NPHP3: variants seen among roughly 807,000 people sequenced by gnomAD.
NPHP3 encodes the protein nephrocystin 3.
NPHP3 carries 123 observed loss-of-function variants against 171.9 expected under a neutral mutation model. The ratio of observed to expected loss-of-function variants is 0.72; its 90% CI spans 0.62 to 0.83. The LOEUF (loss-of-function observed/expected upper bound fraction) is 0.83. Ranked by LOEUF, NPHP3 falls within the 40% of genes least tolerant of loss-of-function variation. The probability of loss-of-function intolerance (pLI) is 0.00; values close to 1 mark genes in which losing one functional copy is unlikely to be tolerated. For synonymous variants in NPHP3, 558 were observed against 579.2 expected (o/e 0.96, Z 0.52); for missense variants, 1,506 against 1,591.9 (o/e 0.95, Z 0.92).
intron 16 of NPHP3, among the ~76,000 whole-genome samples, chr3:132,694,205 T>G (rs181531557): frequency 1.4e-3 from 219 of 152,166 alleles, no homozygotes; most frequent in Middle Eastern, 3.4e-3. Context: ...GCAGAAGAGA[T>G]GTATTATTTA....
At chr3:132,708,831 T>A (rs1382670) in intron 6 of NPHP3, among the ~76,000 whole-genome samples, 150,073 of 152,288 alleles carry the variant, frequency 0.99, 73,989 homozygotes, top group East Asian at 1. Flanking sequence ...AAATATGGCA[T>A]GTCCAGGAGA....
At chr3:132,688,530 G>A (rs1359154139) in intron 21 of NPHP3, 120 bp downstream of exon 21, 16 of 1,061,594 alleles carry the variant, frequency 1.5e-5, no homozygotes, top group Non-Finnish European at 2.2e-5. Context: ...TTTACCACAT[G>A]AAGACTAGGC....
chr3:132,714,107 C>T (rs2107997281), intron 5 of NPHP3, among the ~76,000 whole-genome samples: 1 of 152,338 alleles, frequency 6.6e-6, no homozygotes, highest in South Asian at 2.1e-4. Context: ...ACAATTTACT[C>T]TGCCATTGAA....
At position 132,682,027 on chromosome 3, in the gene NPHP3, T is replaced by C. The variant is rs1939043951; in HGVS notation, c.3876A>G (p.Glu1292=). ...TTCCACCCAAGAGTGATGTTTCTGC[T>C]TCTTTTATTTCCATTGCCCTTTTGT... ...ELYKRAMEIK[E]AETSLLGGKA... is the part of the protein sequence containing the mutation. The change falls in exon 27 of 27, where the codon GAA becomes GAG. Residue 1292 remains glutamate (E), a synonymous_variant. Transcript: ENST00000337331. 1.2e-6 allele frequency: 2 copies of C among 1,614,108 alleles called. No homozygotes were observed. Among genetic ancestry groups the C allele is most frequent in the Non-Finnish European group, 1.7e-6 (2 of 1,179,964 alleles).
chr3:132,720,629 A>G (rs1359711816), intron 1 of NPHP3, among the ~76,000 whole-genome samples: 1 of 152,192 alleles, frequency 6.6e-6, no homozygotes, highest in East Asian at 1.9e-4. Context: ...CAATAATTAC[A>G]CAACAGCTAA....
In NPHP3 at chr3:132,708,234, T is replaced by A. The variant is rs776866328; in HGVS notation, c.1142A>T (p.Glu381Val). Reference sequence around the variant, plus strand: ...TCCTTCAGGGTTTTTCAGAAAAGCTTCTTCACAGTCTTCCAATAAAAGGCT... The same window carrying A: ...TCCTTCAGGGTTTTTCAGAAAAGCTACTTCACAGTCTTCCAATAAAAGGCT... ...LPSLLLEDCE[E>V]AFLKNPEGKP... The change falls in exon 7 of 27, where the codon GAA becomes GTA. Residue 381 changes from glutamate (E) to valine (V), a missense_variant. Transcript: ENST00000337331. 6.2e-7 allele frequency: 1 copy of A among 1,614,160 alleles called. No individual in the cohort carries two copies. Among genetic ancestry groups the A allele is most frequent in the South Asian group, 1.1e-5 (1 of 91,080 alleles).
chr3:132,710,464 CCT>C lies in NPHP3; in HGVS notation c.1119-2209_1119-2208del, dbSNP rs552984001. ...ATCCCTTGAGAAAGACTGATGATGC[CCT>C]GAGGAAAACCAGTCACAGTCGCCCC... On this transcript the variant is annotated intron_variant, in intron 6 of 26. Transcript: ENST00000337331. Among the ~76,000 whole-genome samples the C allele has an allele frequency of 2.5e-3, 382 of 152,066 alleles. 1 individual carries two copies. The highest frequency in any genetic ancestry group is 0.023 in the South Asian group (111 of 4,810).
At chr3:132,699,698 T>C (rs1939553758) in intron 12 of NPHP3, among the ~76,000 whole-genome samples, 1 of 152,152 alleles carries the variant, frequency 6.6e-6, no homozygotes, top group Admixed American at 6.5e-5. Flanking sequence ...ATAGTCTTTG[T>C]TAATTGTGTA....
rs780401524 is a variant in NPHP3 at position 132,719,092 on chromosome 3, C to T, written c.572G>A (p.Arg191Lys). The T allele has an allele frequency of 3.1e-6, 5 of 1,613,926 alleles. No homozygotes were observed. In the South Asian group the frequency reaches 3.3e-5, roughly 11 times the overall value. ...CCTCTGAAGTTTGCTCTCCAACTCC[C>T]TCTTGGCCCTCAGTAAGTCCTGAAT... ...NEIQDLLRAK[R>K]ELESKLQRLQ... is the part of the protein sequence containing the mutation. The change falls in exon 3 of 27, where the codon AGG becomes AAG. Residue 191 changes from arginine (R) to lysine (K), a missense_variant. Around this residue, in one of 3 missense-constraint regions of NPHP3, gnomAD observed 930 missense variants for 924.9 expected, o/e 1.01. Transcript: ENST00000337331.
In NPHP3 at chr3:132,700,385, G is replaced by A. The variant is rs1448083146; in HGVS notation, c.1692C>T (p.Pro564=). 2 of 1,613,416 alleles carry A rather than the reference G, an allele frequency of 1.2e-6. No homozygotes were observed. The highest frequency in any genetic ancestry group is 8.5e-7 in the Non-Finnish European group (1 of 1,179,556). ...TLILSHFVGR[P]MSTSSESSLI... is the part of the protein sequence containing the mutation. The stretch of plus-strand genomic sequence containing the variant: ...AGGAGGACTCTGAGCTGGTTGACAT[G>A]GGCCTTCCCACAAAATGGGAAAGAA... Residue 564 remains proline, a synonymous_variant, in exon 11 of 27, where the codon CCC becomes CCT. Transcript: ENST00000337331.
intron 16 of NPHP3, among the ~76,000 whole-genome samples, chr3:132,694,531 G>C (rs1400903850): frequency 6.6e-6 from 1 of 152,002 alleles, no homozygotes; most frequent in East Asian, 1.9e-4. Context: ...TCAGTATGCA[G>C]AACATTTAAG....
chr3:132,687,950 T>A (rs77460946), intron 21 of NPHP3, among the ~76,000 whole-genome samples: 1 of 152,194 alleles, frequency 6.6e-6, no homozygotes, highest in South Asian at 2.1e-4. Flanking sequence ...GGATAATATA[T>A]ACATGAAAAA....
chr3:132,717,680 C>G (rs997011821), intron 3 of NPHP3, among the ~76,000 whole-genome samples: 4 of 150,730 alleles, frequency 2.7e-5, no homozygotes, highest in African/African-American at 7.3e-5. Context: ...TATGTCAATA[C>G]TGAAATAATC....
chr3:132,682,873 T>TTG, intron 25 of NPHP3, 55 bp from the exon 26 acceptor site: 1 of 1,113,102 alleles, frequency 9.0e-7, no homozygotes, highest in South Asian at 1.2e-5. Context: ...AATTAATGTA[T>TTG]TCTAGACTAA....
chr3:132,702,859 T>C (rs991521065), intron 9 of NPHP3, among the ~76,000 whole-genome samples: 2 of 152,192 alleles, frequency 1.3e-5, no homozygotes, highest in Non-Finnish European at 2.9e-5. Context: ...ACTTAGTTCA[T>C]GGTCCCACAG....
At position 132,704,208 on chromosome 3, in the gene NPHP3, C is replaced by T. The variant is rs368008794; in HGVS notation, c.1514G>A (p.Gly505Glu). The T allele has an allele frequency of 1.1e-4, 175 of 1,614,128 alleles. 3 individuals are homozygous for T. The South Asian group carries it at 1.7e-3, about 16-fold the overall frequency. Residue 505 changes from glycine to glutamate, a missense_variant, in exon 9 of 27, where the codon GGA (glycine) becomes GAA (glutamate). Gly to Glu is a moderately conservative substitution (Grantham distance 98, BLOSUM62 -2). Coordinates refer to ENST00000337331, the MANE Select transcript of NPHP3 (RefSeq NM_153240.5). ...ACTCCAAGCACTTACTTTCTCAAAT[C>T]CCAACTCATGGGCTGAATTAGAAGC... ...QQASNSAHEL[G>E]FEKYYQRLND...
chr3:132,699,811 A>G, intron 12 of NPHP3, 107 bp downstream of exon 12: 1 of 1,256,790 alleles, frequency 8.0e-7, no homozygotes, highest in Non-Finnish European at 1.1e-6. Flanking sequence ...AATATAAAAA[A>G]TAACATCATA....
intron 22 of NPHP3, 102 bp from the exon 23 acceptor site, chr3:132,686,489 T>G: frequency 7.7e-7 from 1 of 1,299,084 alleles, no homozygotes. Context: ...TTTTTCCCAT[T>G]TAATCTAGAT....
At chr3:132,709,683 T>TG (rs1939858017) in intron 6 of NPHP3, among the ~76,000 whole-genome samples, 2 of 152,036 alleles carry the variant, frequency 1.3e-5, no homozygotes, top group Admixed American at 1.3e-4. Context: ...AATGTTTTTG[T>TG]GGGGGGTGTG....
Sources: gnomAD v4.1 joint callset for allele counts (sites outside exome capture counted in the v4.1 genomes callset) on GRCh38, gnomAD v4.1.1 for gene constraint, gnomAD v4.1.1 regional missense constraint, MANE v1.5 for transcripts, NCBI Gene and HGNC (gene_info 2026-07-23, HGNC 2026-07-21) for gene names.